The following TTLL5 variants were observed in gnomAD, a reference collection of about 807,000 sequenced individuals.
TTLL5 encodes the protein tubulin polyglutamylase TTLL5.
TTLL5 carries 132 observed loss-of-function variants against 168.4 expected under a neutral mutation model. The ratio of observed to expected loss-of-function variants is 0.78; its 90% CI spans 0.68 to 0.91. TTLL5 has a LOEUF of 0.91. TTLL5 is among the 40% of genes least tolerant of loss of function. The pLI is 0.00. For synonymous variants in TTLL5, 546 were observed against 558.6 expected, an observed-to-expected ratio of 0.98 and a Z score of 0.32; for missense variants, 1,545 against 1,581.5, an observed-to-expected ratio of 0.98 and a Z score of 0.39.
At chr14:75,699,049 T>C (rs1886072814) in intron 6 of TTLL5, 139 bp from the exon 7 acceptor site, 1 of 687,972 alleles carries the variant, frequency 1.5e-6, no homozygotes, top group Non-Finnish European at 2.5e-6. Flanking sequence ...GTAATTTTAG[T>C]TACTGCCCAA....
chr14:75,764,499 T>A, intron 18 of TTLL5, 116 bp from the exon 19 acceptor site: 1 of 1,241,664 alleles, frequency 8.1e-7, no homozygotes, highest in East Asian at 2.4e-5. Context: ...ACTTTTAGAA[T>A]TCACTTGAGT....
chr14:75,735,311 G>T (rs759415970), intron 15 of TTLL5, 22 bp downstream of exon 15: 21 of 1,610,820 alleles, frequency 1.3e-5, no homozygotes, highest in Non-Finnish European at 1.8e-5. Flanking sequence ...CCACAGCAGG[G>T]AGCCTGAAGG....
intron 31 of TTLL5, among the ~76,000 whole-genome samples, chr14:75,913,399 C>G (rs2033468329): frequency 6.6e-6 from 1 of 152,028 alleles, no homozygotes; most frequent in Non-Finnish European, 1.5e-5. Flanking sequence ...CTGTAATTAC[C>G]TCTATCATGG....
At chr14:75,826,382 C>A (rs76017154) in intron 28 of TTLL5, among the ~76,000 whole-genome samples, 2,082 of 150,782 alleles carry the variant, frequency 0.014, 40 homozygotes, top group African/African-American at 0.044. Context: ...CACTCCTGAA[C>A]TGTACACATA....
intron 11 of TTLL5, 136 bp from the exon 12 acceptor site, chr14:75,720,460 C>A: frequency 1.5e-6 from 1 of 660,766 alleles, no homozygotes; most frequent in Non-Finnish European, 2.7e-6. Context: ...TCTATAGCAC[C>A]CATTCAGAAG....
intron 31 of TTLL5, chr14:75,904,109 G>A (rs1029274533): frequency 8.0e-7 from 1 of 1,248,786 alleles, no homozygotes; most frequent in South Asian, 1.4e-5. Flanking sequence ...ATCCATGGAA[G>A]TATGATAGGA....
chr14:75,755,269 AAATAATAAT>A (rs71119390), intron 18 of TTLL5, among the ~76,000 whole-genome samples: 4 of 47,928 alleles, frequency 8.3e-5, no homozygotes, highest in African/African-American at 1.9e-4. Context: ...CTGTCTCCAA[AAATAATAAT>A]AATAATAATA....
chr14:75,902,379 C>A, intron 31 of TTLL5, 155 bp downstream of exon 31: 1 of 806,642 alleles, frequency 1.2e-6, no homozygotes, highest in Non-Finnish European at 2.0e-6. Flanking sequence ...TTGTTGCATT[C>A]TTCTTTAAAA....
intron 3 of TTLL5, 124 bp from the exon 4 acceptor site, chr14:75,681,421 A>G (rs761983463): frequency 3.5e-5 from 26 of 736,424 alleles, no homozygotes; most frequent in Admixed American, 7.4e-5. Context: ...CGTTCAACTT[A>G]TTTATAATCA....
At chr14:75,691,012 C>T (rs1160163813) in intron 6 of TTLL5, among the ~76,000 whole-genome samples, 8 of 152,172 alleles carry the variant, frequency 5.3e-5, no homozygotes, top group Non-Finnish European at 1.2e-4. Flanking sequence ...TTCTTTCAGC[C>T]TTGATTTCTT....
chr14:75,687,416 G>A (rs1042177897), intron 5 of TTLL5, among the ~76,000 whole-genome samples: 31 of 152,116 alleles, frequency 2.0e-4, no homozygotes. Context: ...TGGGACTACA[G>A]GCATGCACTA....
intron 31 of TTLL5, among the ~76,000 whole-genome samples, chr14:75,923,256 T>C (rs945694428): frequency 5.9e-5 from 9 of 152,364 alleles, no homozygotes; most frequent in African/African-American, 2.2e-4. Context: ...TACTAGCTTT[T>C]GCATTTGTTT....
intron 12 of TTLL5, chr14:75,732,040 T>A: frequency 1.1e-5 from 2 of 182,308 alleles, no homozygotes; most frequent in Non-Finnish European, 2.2e-5. Context: ...CACAGCAGAA[T>A]CGTGCTTGTT....
chr14:75,680,329 T>C (rs1410725885), intron 3 of TTLL5, among the ~76,000 whole-genome samples: 1 of 152,150 alleles, frequency 6.6e-6, no homozygotes, highest in East Asian at 1.9e-4. Flanking sequence ...TGGCCTGTCC[T>C]GAATGGGGCA....
chr14:75,917,175 G>A lies in TTLL5; in HGVS notation c.3823+14951G>A, dbSNP rs150306644. 7.3e-4 allele frequency among the ~76,000 whole-genome samples: 111 copies of A among 152,256 alleles called. No individual in the cohort carries two copies. In the East Asian group the frequency reaches 0.019, roughly 26 times the overall value. On this transcript the variant is annotated intron_variant, in intron 31 of 31. Coordinates refer to ENST00000298832, the MANE Select transcript of TTLL5 (RefSeq NM_015072.5). The stretch of plus-strand genomic sequence containing the variant: ...CTGTACACTTGAAATTGTTAGGATG[G>A]TAAAGTTTATGTTACATGTATTTTG...
chr14:75,720,538 A>C, intron 11 of TTLL5, 58 bp from the exon 12 acceptor site: 1 of 1,238,982 alleles, frequency 8.1e-7, no homozygotes, highest in Non-Finnish European at 1.2e-6. Context: ...TCTGGAATCC[A>C]GTTCATAATC....
At chr14:75,781,826 G>A (rs1055389456) in intron 24 of TTLL5, among the ~76,000 whole-genome samples, 1 of 152,008 alleles carries the variant, frequency 6.6e-6, no homozygotes, top group African/African-American at 2.4e-5. Context: ...GTGGTGGCAG[G>A]CACCTGTAAA....
intron 2 of TTLL5, 32 bp from the exon 3 acceptor site, chr14:75,669,384 G>T (rs558091390): frequency 1.3e-6 from 2 of 1,593,180 alleles, no homozygotes; most frequent in South Asian, 2.2e-5. Context: ...GTTTTGAGCT[G>T]TAAATTAATG....
At chr14:75,742,254 C>G (rs1889320638) in intron 15 of TTLL5, among the ~76,000 whole-genome samples, 2 of 152,288 alleles carry the variant, frequency 1.3e-5, no homozygotes, top group South Asian at 4.1e-4. Context: ...GTTTCTTACT[C>G]TCTCTTTACG....
Sources: allele counts gnomAD v4.1 joint callset (sites outside exome capture counted in the v4.1 genomes callset), GRCh38; gene constraint gnomAD v4.1.1; transcripts MANE v1.5; gene names NCBI Gene and HGNC (gene_info 2026-07-23, HGNC 2026-07-21).